LYPD6: variants seen among roughly 807,000 people sequenced by gnomAD.
LYPD6 encodes the protein LY6/PLAUR domain containing 6.
In LYPD6, 15 loss-of-function variants were observed where a neutral mutation model predicts 22.7. That is an observed-to-expected ratio of 0.66 (90% CI 0.44 to 1.02). The LOEUF is 1.02. Among genes scored for constraint, LYPD6 ranks in the 50% least tolerant of loss-of-function variants. The probability of loss-of-function intolerance (pLI) is 0.00; values close to 1 mark genes in which losing one functional copy is unlikely to be tolerated. For missense variants in LYPD6, 189 were observed against 208.4 expected (o/e 0.91, Z 0.57); for synonymous variants, 72 against 77.5 (o/e 0.93, Z 0.37).
chr2:149,449,245 C>T (rs1379305625), intron 3 of LYPD6, 98 bp downstream of exon 3: 9 of 703,398 alleles, frequency 1.3e-5, no homozygotes, highest in South Asian at 1.8e-5. Flanking sequence ...TGCTTGCAAT[C>T]TCAGCTGCTC....
rs1681340152 is a variant in LYPD6, at chr2:149,471,782, CG to C, written c.*933del. The C allele has an allele frequency of 6.6e-6, 1 of 152,574 alleles. No homozygotes were observed. Among genetic ancestry groups the C allele is most frequent in the African/African-American group, 2.4e-5 (1 of 41,444 alleles). 9.5% of individuals were successfully genotyped at this position (152,574 alleles called of 1,614,324 possible). On this transcript the variant is annotated 3_prime_UTR_variant, in exon 5 of 5. Coordinates refer to ENST00000334166, the MANE Select transcript of LYPD6 (RefSeq NM_194317.5). Reference sequence around the variant, plus strand: ...ATTAGTCCTAGTTCATTCTGAGGGCCGACTAAGTGGCTCAGCCAGCTTCTTA... The same window carrying C: ...ATTAGTCCTAGTTCATTCTGAGGGCCACTAAGTGGCTCAGCCAGCTTCTTA...
intron 3 of LYPD6, among the ~76,000 whole-genome samples, chr2:149,455,211 G>T (rs183714301): frequency 6.7e-6 from 1 of 150,156 alleles, no homozygotes; most frequent in African/African-American, 2.4e-5. Flanking sequence ...TCCCATTTCA[G>T]CTGGCATTAT....
At chr2:149,439,862 C>G (rs960213397) in intron 2 of LYPD6, 4 of 152,224 alleles carry the variant, frequency 2.6e-5, no homozygotes, top group African/African-American at 9.7e-5. Flanking sequence ...GTAGGGCTTC[C>G]TCTTCCCCTC....
chr2:149,348,002 G>A (rs1335468706), intron 1 of LYPD6, among the ~76,000 whole-genome samples: 1 of 147,122 alleles, frequency 6.8e-6, no homozygotes, highest in Non-Finnish European at 1.5e-5. Context: ...GATCACCTGA[G>A]GTCAGGAGTT....
intron 1 of LYPD6, among the ~76,000 whole-genome samples, chr2:149,404,217 C>G (rs1279954321): frequency 6.6e-6 from 1 of 152,160 alleles, no homozygotes; most frequent in Admixed American, 6.5e-5. Flanking sequence ...GCGATGCGGG[C>G]TCTTTTTTGG....
chr2:149,423,245 G>GT (rs1683119179), intron 1 of LYPD6, among the ~76,000 whole-genome samples: 1 of 152,194 alleles, frequency 6.6e-6, no homozygotes, highest in African/African-American at 2.4e-5. Context: ...CAGGTGGGAT[G>GT]TGGAGGTCAA....
chr2:149,463,006 A>C (rs1681120230), intron 3 of LYPD6, among the ~76,000 whole-genome samples: 1 of 152,118 alleles, frequency 6.6e-6, no homozygotes, highest in South Asian at 2.1e-4. Context: ...CTTAATACCA[A>C]AAGCATGACT....
chr2:149,429,924 A>T (rs900603597), intron 1 of LYPD6, among the ~76,000 whole-genome samples: 2 of 152,124 alleles, frequency 1.3e-5, no homozygotes, highest in Non-Finnish European at 2.9e-5. Context: ...CAGCACAATT[A>T]TTCCAGAGTA....
At chr2:149,462,068 A>G (rs1681098856) in intron 3 of LYPD6, among the ~76,000 whole-genome samples, 1 of 152,060 alleles carries the variant, frequency 6.6e-6, no homozygotes, top group African/African-American at 2.4e-5. Context: ...AGAAAAGTAA[A>G]TAAAAGACAT....
At chr2:149,360,005 CAA>C (rs1361743079) in intron 1 of LYPD6, among the ~76,000 whole-genome samples, 1 of 152,150 alleles carries the variant, frequency 6.6e-6, no homozygotes, top group Non-Finnish European at 1.5e-5. Flanking sequence ...ATATGCTAAA[CAA>C]GAGGTGGATT....
chr2:149,337,747 T>C (rs1681067107), intron 1 of LYPD6, among the ~76,000 whole-genome samples: 1 of 152,136 alleles, frequency 6.6e-6, no homozygotes, highest in South Asian at 2.1e-4. Flanking sequence ...GAAATAAGCA[T>C]AGTTCTCAAT....
At chr2:149,456,122 T>C (rs1680952495) in intron 3 of LYPD6, among the ~76,000 whole-genome samples, 1 of 152,220 alleles carries the variant, frequency 6.6e-6, no homozygotes, top group Non-Finnish European at 1.5e-5. Context: ...GCCAAAACAA[T>C]AATCTGGTGC....
chr2:149,385,933 G>C (rs1007955080), intron 1 of LYPD6, among the ~76,000 whole-genome samples: 7 of 152,108 alleles, frequency 4.6e-5, no homozygotes, highest in Non-Finnish European at 8.8e-5. Flanking sequence ...GGCAGCACTT[G>C]GGTCTGGAAC....
At chr2:149,481,468 A>C in the LYPD6 span, among the ~76,000 whole-genome samples, 3 of 152,228 alleles carry the variant, frequency 2.0e-5, no homozygotes, top group Non-Finnish European at 4.4e-5. Context: ...TACTTCTGTA[A>C]AGTGGCCTGA....
At chr2:149,426,323 C>T (rs965262019) in intron 1 of LYPD6, among the ~76,000 whole-genome samples, 1 of 152,154 alleles carries the variant, frequency 6.6e-6, no homozygotes, top group Non-Finnish European at 1.5e-5. Flanking sequence ...TTCTTGGAAC[C>T]ATGGGAAAAA....
At chr2:149,399,543 G>A (rs1682505411) in intron 1 of LYPD6, among the ~76,000 whole-genome samples, 1 of 151,770 alleles carries the variant, frequency 6.6e-6, no homozygotes. Flanking sequence ...ACTGCCAAAG[G>A]GATCATGCCC....
At chr2:149,412,372 T>C (rs1308765720) in intron 1 of LYPD6, among the ~76,000 whole-genome samples, 2 of 152,112 alleles carry the variant, frequency 1.3e-5, no homozygotes, top group African/African-American at 4.8e-5. Context: ...TTTTTTTTTT[T>C]TGTGGACTGG....
At position 149,352,255 on chromosome 2, in the gene LYPD6, G is replaced by A. The variant is rs116603456; in HGVS notation, c.-72+21533G>A. On this transcript the variant is annotated intron_variant, in intron 1 of 4. Coordinates refer to ENST00000334166, the MANE Select transcript of LYPD6 (RefSeq NM_194317.5). ...GTTGTCTTCAAATGCATAAAGGGCT[G>A]GCAGGTGGAAGAGGTGTTAGACTTA... 9.3e-3 allele frequency among the ~76,000 whole-genome samples: 1,412 copies of A among 152,238 alleles called. 26 individuals carry two copies. The highest frequency in any genetic ancestry group is 0.033 in the African/African-American group (1,378 of 41,548).
chr2:149,413,084 T>G (rs538998808), intron 1 of LYPD6, among the ~76,000 whole-genome samples: 1 of 152,332 alleles, frequency 6.6e-6, no homozygotes. Flanking sequence ...TTTTCCCTTC[T>G]TCTTGACTTT....
Sources: allele counts gnomAD v4.1 joint callset (sites outside exome capture counted in the v4.1 genomes callset), GRCh38; gene constraint gnomAD v4.1.1; transcripts MANE v1.5; gene names NCBI Gene and HGNC (gene_info 2026-07-23, HGNC 2026-07-21).